The following GOLGA4 variants were observed in gnomAD, a reference collection of about 807,000 sequenced individuals.
GOLGA4 encodes the protein golgin subfamily A member 4.
Under a neutral mutation model 265.9 loss-of-function variants are expected in GOLGA4, and 169 were observed. The ratio of observed to expected loss-of-function variants is 0.64; its 90% CI spans 0.56 to 0.72. GOLGA4 has a LOEUF of 0.72. Ranked by LOEUF, GOLGA4 falls within the 30% of genes least tolerant of loss-of-function variation. The pLI, the probability that GOLGA4 is intolerant of heterozygous loss-of-function variation, is 0.00. For missense variants in GOLGA4, 2,482 were observed against 2,483.4 expected, an observed-to-expected ratio of 1.00 and a Z score of 0.01; for synonymous variants, 923 against 855.8, an observed-to-expected ratio of 1.08 and a Z score of -1.37.
chr3:37,340,366 TG>T lies in GOLGA4; in HGVS notation c.6472+168del, dbSNP rs1408105225. 5.3e-5 allele frequency among the ~76,000 whole-genome samples: 8 copies of T among 152,336 alleles called. No homozygotes were observed. The South Asian group carries it at 1.7e-3, about 32-fold the overall frequency. ...ATGCATATATGTATAGTGTGCAACA[TG>T]CTATTTTGAGTTATAGATTCATTGT... On this transcript the variant is annotated intron_variant, in intron 20 of 23. Coordinates refer to ENST00000361924, the MANE Select transcript of GOLGA4 (RefSeq NM_002078.5).
At chr3:37,305,371 A>G (rs1361364080) in intron 10 of GOLGA4, among the ~76,000 whole-genome samples, 1 of 152,256 alleles carries the variant, frequency 6.6e-6, no homozygotes, top group African/African-American at 2.4e-5. Context: ...TACATTGAAG[A>G]TAATGCCTTT....
chr3:37,355,993 C>T (rs1014134449), intron 22 of GOLGA4, among the ~76,000 whole-genome samples: 3 of 152,094 alleles, frequency 2.0e-5, no homozygotes, highest in African/African-American at 7.2e-5. Context: ...AACATCTTTT[C>T]CTTAATGGTG....
chr3:37,281,464 T>G (rs2096834428), intron 2 of GOLGA4, among the ~76,000 whole-genome samples: 1 of 152,182 alleles, frequency 6.6e-6, no homozygotes, highest in Non-Finnish European at 1.5e-5. Flanking sequence ...TGATCAAGAA[T>G]TACCATGTCC....
At chr3:37,362,145 T>C (rs1357454928) in intron 23 of GOLGA4, among the ~76,000 whole-genome samples, 1 of 152,116 alleles carries the variant, frequency 6.6e-6, no homozygotes, top group Non-Finnish European at 1.5e-5. Flanking sequence ...CAGCTAATAA[T>C]AGTATCAAGG....
At chr3:37,254,320 C>A (rs143025270) in intron 2 of GOLGA4, among the ~76,000 whole-genome samples, 6 of 152,220 alleles carry the variant, frequency 3.9e-5, no homozygotes, top group Non-Finnish European at 7.3e-5. Flanking sequence ...TACTTTTATG[C>A]AACTTTATCA....
intron 2 of GOLGA4, chr3:37,266,796 ATT>A (rs746654950): frequency 4.4e-6 from 4 of 914,086 alleles, no homozygotes; most frequent in Non-Finnish European, 4.6e-6. Flanking sequence ...GTTTTTCATC[ATT>A]TGTTTTATTT....
intron 11 of GOLGA4, among the ~76,000 whole-genome samples, chr3:37,317,264 C>A (rs558963459): frequency 1.3e-5 from 2 of 152,056 alleles, no homozygotes; most frequent in Admixed American, 6.6e-5. Context: ...CCGCCCCCCA[C>A]GTTCAAGCAA....
At chr3:37,304,142 A>G (rs1454182866) in intron 10 of GOLGA4, among the ~76,000 whole-genome samples, 2 of 152,190 alleles carry the variant, frequency 1.3e-5, no homozygotes, top group Non-Finnish European at 2.9e-5. Flanking sequence ...TTTTGGGGGA[A>G]TATAAGATAT....
chr3:37,265,117 T>TTGTGTGTGTGTGTG (rs35252934), intron 2 of GOLGA4, among the ~76,000 whole-genome samples: 2 of 147,550 alleles, frequency 1.4e-5, no homozygotes, highest in African/African-American at 5.0e-5. Flanking sequence ...CATGCTCATA[T>TTGTGTGTGTGTGTG]TGTGTGTGTG....
intron 2 of GOLGA4, among the ~76,000 whole-genome samples, chr3:37,274,375 C>CA (rs1258943075): frequency 6.6e-6 from 1 of 151,220 alleles, no homozygotes; most frequent in African/African-American, 2.4e-5. Context: ...TGAACCCCTC[C>CA]AAAAAAGGAA....
In GOLGA4 at chr3:37,325,203, C is replaced by A; in HGVS notation, c.3317C>A (p.Thr1106Lys). ...AAGGAAGAAGGTGTTAAGCAGGATA[C>A]AACATTAAATGAATTACAGGAACAG... is the stretch of plus-strand genomic sequence containing the variant. ...WLKEEGVKQDTTLNELQEQLK... is the reference protein window; with the variant it reads ...WLKEEGVKQDKTLNELQEQLK... Residue 1106 changes from threonine to lysine, a missense_variant, in exon 14 of 24, where the codon ACA becomes AAA. Thr to Lys is a moderately conservative substitution (Grantham distance 78, BLOSUM62 -1). Coordinates refer to ENST00000361924, the MANE Select transcript of GOLGA4 (RefSeq NM_002078.5). 10 of 1,613,080 alleles carry A rather than the reference C, an allele frequency of 6.2e-6. No individual in the cohort carries two copies. Among genetic ancestry groups the A allele is most frequent in the Non-Finnish European group, 8.5e-6 (10 of 1,179,280 alleles).
intron 1 of GOLGA4, among the ~76,000 whole-genome samples, chr3:37,248,585 A>G (rs1249006807): frequency 6.6e-6 from 1 of 152,218 alleles, no homozygotes; most frequent in East Asian, 1.9e-4. Context: ...CCATTTTCTC[A>G]TATAATTCTT....
At chr3:37,251,307 TG>T in intron 1 of GOLGA4, 87 bp from the exon 2 acceptor site, 1 of 720,752 alleles carries the variant, frequency 1.4e-6, no homozygotes, top group South Asian at 1.8e-5. Context: ...CTGAATTCTT[TG>T]GGCATGGACT....
chr3:37,361,166 A>G, intron 22 of GOLGA4, 77 bp from the exon 23 acceptor site: 1 of 1,082,052 alleles, frequency 9.2e-7, no homozygotes, highest in Non-Finnish European at 1.4e-6. Flanking sequence ...TATGAACTTC[A>G]TATACACATA....
intron 2 of GOLGA4, among the ~76,000 whole-genome samples, chr3:37,260,493 A>G (rs1350068631): frequency 6.6e-6 from 1 of 152,024 alleles, no homozygotes; most frequent in Non-Finnish European, 1.5e-5. Flanking sequence ...AAACTTAGCT[A>G]GGTATGTTGG....
intron 1 of GOLGA4, among the ~76,000 whole-genome samples, chr3:37,248,865 C>T (rs1403313459): frequency 6.6e-6 from 1 of 152,162 alleles, no homozygotes; most frequent in Non-Finnish European, 1.5e-5. Flanking sequence ...AGGTCACTGT[C>T]TAAGGTAGCC....
Position 37,335,166 on chromosome 3 carries a change from T to A in GOLGA4, c.6306T>A (p.Asn2102Lys). Residue 2102 changes from asparagine (N) to lysine (K), a missense_variant and splice_region_variant, in exon 17 of 24, where the codon AAT (asparagine) becomes AAA (lysine). Physicochemically the swap from Asn to Lys is moderately conservative, Grantham distance 94. This residue lies in a region of GOLGA4 where 942 missense variants were observed against 983.1 expected (regional missense o/e 0.96). Transcript: ENST00000361924. The stretch of plus-strand genomic sequence containing the variant: ...AGGAGGAGAACCCTGGCAATGATAA[T>A]GTGAGAGGAGTTTGAGTTTGCTGCA... ...LEQEENPGND[N>K]VTIMELQTQL... 6.6e-7 allele frequency: 1 copy of A among 1,510,548 alleles called. No homozygotes were observed. The allele number at this position is 1,510,548 out of a possible 1,614,324, so 93.6% of individuals were successfully genotyped here.
At chr3:37,243,940 A>T (rs565788490) in intron 1 of GOLGA4, 200 of 346,432 alleles carry the variant, frequency 5.8e-4, no homozygotes, top group Admixed American at 1.1e-3. Context: ...TCCATATTTG[A>T]GGTTTTCCCA....
chr3:37,325,629 C>G lies in GOLGA4; in HGVS notation c.3743C>G (p.Ser1248Cys), dbSNP rs1266174878. 1 of 1,613,640 alleles carries G rather than the reference C, an allele frequency of 6.2e-7. No individual in the cohort carries two copies. Among genetic ancestry groups the G allele is most frequent in the Non-Finnish European group, 8.5e-7 (1 of 1,179,718 alleles). Residue 1248 changes from serine (S) to cysteine (C), a missense_variant, in exon 14 of 24, where the codon TCT becomes TGT. Physicochemically the swap from Ser to Cys is moderately radical, Grantham distance 112 (BLOSUM62 -1). Coordinates refer to ENST00000361924, the MANE Select transcript of GOLGA4 (RefSeq NM_002078.5). ...AGTAGTAAAACTAATGCCATTCTTTCTAGGATTTCTCATTGTCAGCACCGT... is the reference window on the plus strand; with the variant it reads ...AGTAGTAAAACTAATGCCATTCTTTGTAGGATTTCTCATTGTCAGCACCGT... Reference protein sequence around the residue: ...ISSSKTNAILSRISHCQHRTT... With the variant: ...ISSSKTNAILCRISHCQHRTT...
Sources: allele counts gnomAD v4.1 joint callset (sites outside exome capture counted in the v4.1 genomes callset), GRCh38; gene constraint gnomAD v4.1.1; regional missense constraint gnomAD v4.1.1; transcripts MANE v1.5; gene names NCBI Gene and HGNC (gene_info 2026-07-23, HGNC 2026-07-21).